SSC5D: variants seen among roughly 807,000 people sequenced by gnomAD.
SSC5D encodes soluble scavenger receptor cysteine-rich domain-containing protein SSC5D.
SSC5D carries 106 observed loss-of-function variants against 104.6 expected under a neutral mutation model. That is an observed-to-expected ratio of 1.01 (90% CI 0.87 to 1.19). The LOEUF (loss-of-function observed/expected upper bound fraction) is 1.19. Among genes scored for constraint, SSC5D ranks in the 50% most tolerant of loss-of-function variants. The pLI, the probability that SSC5D is intolerant of heterozygous loss-of-function variation, is 0.00. For missense variants in SSC5D, 1,993 were observed against 2,153.8 expected, an observed-to-expected ratio of 0.93 and a Z score of 1.48; for synonymous variants, 860 against 883.5, an observed-to-expected ratio of 0.97 and a Z score of 0.47.
intron 13 of SSC5D, 65 bp from the exon 14 acceptor site, chr19:55,517,159 C>A (rs1355020520): frequency 4.6e-5 from 65 of 1,404,348 alleles, no homozygotes; most frequent in Admixed American, 6.7e-5. Flanking sequence ...AGGGGCGGGG[C>A]GGGACGCGTG....
At chr19:55,505,117 G>A (rs1275400877) in intron 12 of SSC5D, among the ~76,000 whole-genome samples, 1 of 151,694 alleles carries the variant, frequency 6.6e-6, no homozygotes, top group Non-Finnish European at 1.5e-5. Flanking sequence ...GAACTAGTTG[G>A]GTGACTGCAG....
At chr19:55,504,939 T>C (rs1987605658) in intron 12 of SSC5D, among the ~76,000 whole-genome samples, 1 of 152,022 alleles carries the variant, frequency 6.6e-6, no homozygotes, top group African/African-American at 2.4e-5. Context: ...TCAGATGGGG[T>C]AAAAAGTGAG....
intron 13 of SSC5D, among the ~76,000 whole-genome samples, chr19:55,516,369 C>A (rs1427830899): frequency 6.6e-6 from 1 of 151,988 alleles, no homozygotes; most frequent in Non-Finnish European, 1.5e-5. Context: ...TGGTGGCGGG[C>A]GCCTGTAGTC....
At chr19:55,512,976 T>G in intron 12 of SSC5D, 35 bp from the exon 13 acceptor site, 1 of 1,551,266 alleles carries the variant, frequency 6.4e-7, no homozygotes, top group Non-Finnish European at 8.7e-7. Context: ...AAAGGGAAGT[T>G]GGAAGACTCA....
At position 55,490,798 on chromosome 19, in the gene SSC5D, C is replaced by A. The variant is rs1599911530; in HGVS notation, c.613C>A (p.His205Asn). 3.2e-6 allele frequency: 5 copies of A among 1,543,706 alleles called. No individual in the cohort carries two copies. Among genetic ancestry groups the A allele is most frequent in the Non-Finnish European group, 4.4e-6 (5 of 1,144,824 alleles). The part of the protein sequence containing the change: ...QERLRLVSGP[H>N]RCAGRLEVWH... ...GCGGCTGCGCCTGGTCTCTGGCCCC[C>A]ACAGGTGCGCCGGACGCCTGGAGGT... Residue 205 changes from histidine (H) to asparagine (N), a missense_variant, in exon 6 of 14, where the codon CAC becomes AAC. Physicochemically the swap from His to Asn is moderately conservative, Grantham distance 68. Transcript: ENST00000389623.
intron 6 of SSC5D, chr19:55,491,399 G>A (rs1987140124): frequency 6.2e-6 from 2 of 324,250 alleles, no homozygotes; most frequent in Non-Finnish European, 1.1e-5. Context: ...CCTCAGGCTT[G>A]AGCCAAGTCC....
At chr19:55,491,159 G>A (rs1987134362) in intron 6 of SSC5D, 79 bp downstream of exon 6, 10 of 1,455,294 alleles carry the variant, frequency 6.9e-6, no homozygotes, top group South Asian at 1.4e-5. Flanking sequence ...AAGCTGCAGC[G>A]GGCCTGCTCC....
rs56232242 is a variant in SSC5D at position 55,495,234 on chromosome 19, T to TATA, written c.1387+451_1387+452insATA. Among the ~76,000 whole-genome samples the TATA allele has an allele frequency of 6.1e-3, 136 of 22,214 alleles. 3 individuals are homozygous for TATA. The highest frequency in any genetic ancestry group is 0.017 in the African/African-American group (121 of 7,046). 14.6% of individuals were successfully genotyped at this position (22,214 alleles called of 152,430 possible). A position where few individuals can be genotyped will look rare whatever the true frequency, so the allele number is the denominator to read the frequency against. ...CTCCTTTCATATATATATATATATATTTTTTTTTTTTTTTTTTTTTTTTTT... is the reference window on the plus strand; with the variant it reads ...CTCCTTTCATATATATATATATATATATATTTTTTTTTTTTTTTTTTTTTTTTT... On this transcript the variant is annotated intron_variant, in intron 8 of 13. Transcript: ENST00000389623.
intron 7 of SSC5D, 31 bp downstream of exon 7, chr19:55,493,943 T>C: frequency 2.0e-6 from 2 of 1,013,452 alleles, no homozygotes; most frequent in Non-Finnish European, 2.4e-6. Flanking sequence ...GACCGGGAGG[T>C]GGGCGTGGTG....
rs775979249 is a variant in SSC5D at position 55,518,439 on chromosome 19, C to G, written c.4163C>G (p.Ala1388Gly). 1 of 1,551,350 alleles carries G rather than the reference C, an allele frequency of 6.4e-7. No individual in the cohort carries two copies. The highest frequency in any genetic ancestry group is 2.0e-5 in the Admixed American group (1 of 50,972). Residue 1388 changes from alanine (A) to glycine (G), a missense_variant, in exon 14 of 14, where the codon GCC becomes GGC. Transcript: ENST00000389623. The part of the protein sequence containing the change: ...SQIPTLEPSP[A>G]LESSPSRSST... ...ATACCCACCTTAGAGCCCTCTCCAGCCTTGGAGTCCAGCCCCTCCAGGTCC... is the reference window on the plus strand; with the variant it reads ...ATACCCACCTTAGAGCCCTCTCCAGGCTTGGAGTCCAGCCCCTCCAGGTCC...
intron 12 of SSC5D, among the ~76,000 whole-genome samples, chr19:55,505,870 G>A (rs1987625911): frequency 6.6e-6 from 1 of 151,718 alleles, no homozygotes; most frequent in African/African-American, 2.4e-5. Context: ...CTGAGTAGCT[G>A]GGATTACAGG....
chr19:55,493,263 G>T (rs906937257), intron 6 of SSC5D, among the ~76,000 whole-genome samples: 1 of 152,144 alleles, frequency 6.6e-6, no homozygotes, highest in Admixed American at 6.5e-5. Context: ...CACGATAAAG[G>T]AGGATGCCCA....
intron 12 of SSC5D, among the ~76,000 whole-genome samples, chr19:55,502,343 C>A (rs923624245): frequency 6.6e-6 from 1 of 152,086 alleles, no homozygotes; most frequent in African/African-American, 2.4e-5. Flanking sequence ...TGCTCTCTCT[C>A]ACCATCTTTC....
At chr19:55,491,274 G>GC (rs1225336892) in intron 6 of SSC5D, 194 bp downstream of exon 6, 2 of 660,854 alleles carry the variant, frequency 3.0e-6, no homozygotes, top group African/African-American at 3.7e-5. Flanking sequence ...GCCAGGAATG[G>GC]GAGGAGCAGG....
chr19:55,491,291 G>A lies in SSC5D; in HGVS notation c.895+211G>A, dbSNP rs1599912258. ...CAGGAATGGGAGGAGCAGGCTTGAG[G>A]CTTGGGCTAGTGCTCAGCCCTGTCC... On this transcript the variant is annotated intron_variant, in intron 6 of 13. Transcript: ENST00000389623. The A allele has an allele frequency of 1.1e-5, 7 of 616,078 alleles. No homozygotes were observed. In the South Asian group the frequency reaches 1.2e-4, roughly 11 times the overall value. The allele number at this position is 616,078 out of a possible 1,614,324, so 38.2% of individuals were successfully genotyped here. A position where few individuals can be genotyped will look rare whatever the true frequency, so the allele number is the denominator to read the frequency against.
chr19:55,504,055 C>A, intron 12 of SSC5D: 2 of 1,488,440 alleles, frequency 1.3e-6, no homozygotes, highest in Non-Finnish European at 1.8e-6. Flanking sequence ...GCCCTAGAGG[C>A]GCCGTGACTT....
intron 1 of SSC5D, 140 bp from the exon 2 acceptor site, chr19:55,488,865 CA>C: frequency 9.6e-4 from 1 of 1,042 alleles, no homozygotes; most frequent in East Asian, 9.3e-3. Flanking sequence ...GACCTTTAGC[CA>C]AGCCCATGTG....
chr19:55,497,588 A>T (rs1434769694), intron 8 of SSC5D, among the ~76,000 whole-genome samples: 2 of 152,172 alleles, frequency 1.3e-5, no homozygotes, highest in African/African-American at 4.8e-5. Flanking sequence ...TTTTCAGTTT[A>T]TTCTGGGTAT....
At position 55,489,896 on chromosome 19, in the gene SSC5D, A is replaced by G; in HGVS notation, c.376A>G (p.Asn126Asp). ...CCCCGCCGCAGGTCAGCGTGTGGCT[A>G]ACTCCAGGGACGACTCAACATCTCC... ...GVVCAGQRVA[N>D]SRDDSTSPLD... is the part of the protein sequence containing the mutation. The change falls in exon 4 of 14, where the codon AAC (asparagine) becomes GAC (aspartate). Residue 126 changes from asparagine to aspartate, a missense_variant. Coordinates refer to ENST00000389623, the MANE Select transcript of SSC5D (RefSeq NM_001144950.2). 1.3e-6 allele frequency: 2 copies of G among 1,549,150 alleles called. No individual in the cohort carries two copies. The highest frequency in any genetic ancestry group is 1.7e-6 in the Non-Finnish European group (2 of 1,146,218).
Sources: allele counts gnomAD v4.1 joint callset (sites outside exome capture counted in the v4.1 genomes callset), GRCh38; gene constraint gnomAD v4.1.1; transcripts MANE v1.5; gene names NCBI Gene and HGNC (gene_info 2026-07-23, HGNC 2026-07-21).